Variants in NDNF observed in about 807,000 individuals in gnomAD.
The protein encoded by NDNF is protein NDNF.
In NDNF, 16 loss-of-function variants were observed where a neutral mutation model predicts 42.0. The observed-to-expected ratio is 0.38, with a 90% CI of 0.26 to 0.58. NDNF has a LOEUF of 0.58. Ranked by LOEUF, NDNF falls within the 20% of genes least tolerant of loss-of-function variation. NDNF has a pLI of 0.67. For synonymous variants in NDNF, 248 were observed against 251.7 expected, an observed-to-expected ratio of 0.99 and a Z score of 0.14; for missense variants, 616 against 666.2, an observed-to-expected ratio of 0.92 and a Z score of 0.83.
At chr4:121,053,550 C>T (rs981493105) in intron 1 of NDNF, among the ~76,000 whole-genome samples, 2 of 152,106 alleles carry the variant, frequency 1.3e-5, no homozygotes, top group African/African-American at 4.8e-5. Flanking sequence ...GGAAGCCAGA[C>T]CCATTTTAGT....
At chr4:121,041,628 C>T (rs1434767095) in intron 2 of NDNF, among the ~76,000 whole-genome samples, 1 of 152,136 alleles carries the variant, frequency 6.6e-6, no homozygotes, top group African/African-American at 2.4e-5. Flanking sequence ...AGTACATTTG[C>T]TTTTTTAGGA....
intron 1 of NDNF, among the ~76,000 whole-genome samples, chr4:121,054,629 G>A (rs937234858): frequency 2.6e-5 from 4 of 152,186 alleles, no homozygotes; most frequent in African/African-American, 9.7e-5. Flanking sequence ...ATAAATGTCA[G>A]GAGAAAAAGC....
rs553332697 is a variant in NDNF at position 121,036,222 on chromosome 4, C to T, written c.*42G>A. 39 of 1,474,906 alleles carry T rather than the reference C, an allele frequency of 2.6e-5. No individual in the cohort carries two copies. The South Asian group carries it at 4.7e-4, about 18-fold the overall frequency. 91.4% of individuals were successfully genotyped at this position (1,474,906 alleles called of 1,614,324 possible). ...GTTTATACTTAAAGTGATTTAATGT[C>T]CCTCCTGGAGTTCTACATAATATAT... On this transcript the variant is annotated 3_prime_UTR_variant, in exon 4 of 4. Transcript: ENST00000379692.
chr4:121,035,663 A>G lies in NDNF; in HGVS notation c.*601T>C, dbSNP rs942978986. ...ATCTAATCTCTTTAATTTTATGTACATGAATATAATGTATGTCAACTTTGT... is the reference window on the plus strand; with the variant it reads ...ATCTAATCTCTTTAATTTTATGTACGTGAATATAATGTATGTCAACTTTGT... On this transcript the variant is annotated 3_prime_UTR_variant, in exon 4 of 4. Transcript: ENST00000379692. The G allele has an allele frequency of 6.6e-6, 1 of 152,372 alleles. No homozygotes were observed. Among genetic ancestry groups the G allele is most frequent in the Non-Finnish European group, 1.5e-5 (1 of 68,038 alleles). The allele number at this position is 152,372 out of a possible 1,614,324, so 9.4% of individuals were successfully genotyped here.
chr4:121,069,627 C>G (rs941251530), intron 1 of NDNF, among the ~76,000 whole-genome samples: 1 of 152,084 alleles, frequency 6.6e-6, no homozygotes, highest in Non-Finnish European at 1.5e-5. Flanking sequence ...AAAATGAAAG[C>G]AATAATGCAG....
In NDNF at chr4:121,072,109, A is replaced by T. The variant is rs1409031275; in HGVS notation, c.-118T>A. 1 of 152,414 alleles carries T rather than the reference A, an allele frequency of 6.6e-6. No homozygotes were observed. Among genetic ancestry groups the T allele is most frequent in the East Asian group, 1.9e-4 (1 of 5,192 alleles). The allele number at this position is 152,414 out of a possible 1,614,324, so 9.4% of individuals were successfully genotyped here. A position where few individuals can be genotyped will look rare whatever the true frequency, so the allele number is the denominator to read the frequency against. On this transcript the variant is annotated 5_prime_UTR_variant, in exon 1 of 4. Transcript: ENST00000379692. The stretch of plus-strand genomic sequence containing the variant: ...AAGATGCTAAGCACCAATATCCAGG[A>T]ACGAGAAGCCTGGAGGGCGGGGACG...
Position 121,039,983 on chromosome 4 carries a change from T to A in NDNF, c.260A>T (p.Glu87Val). The A allele has an allele frequency of 6.2e-7, 1 of 1,613,970 alleles. No homozygotes were observed. The highest frequency in any genetic ancestry group is 2.2e-5 in the East Asian group (1 of 44,864). ...CAGCTCCTGGAGGCTCAGCTTCCAC[T>A]CCAAAGGCGCATCACAGGGCGTCAC... ...VTVTPCDAPL[E>V]WKLSLQELPE... is the part of the protein sequence containing the mutation. The change falls in exon 3 of 4, where the codon GAG (glutamate) becomes GTG (valine). Residue 87 changes from glutamate (E) to valine (V), a missense_variant. Transcript: ENST00000379692.
rs77439449 is a variant in NDNF at position 121,060,527 on chromosome 4, G to T, written c.-2+11466C>A. Among the ~76,000 whole-genome samples, 402 of 151,874 alleles carry T rather than the reference G, an allele frequency of 2.6e-3. 2 individuals carry two copies. The highest frequency in any genetic ancestry group is 9.1e-3 in the African/African-American group (375 of 41,404). On this transcript the variant is annotated intron_variant, in intron 1 of 3. Transcript: ENST00000379692. ...AAAAGTTTATTCCCCCAAGCAGTTT[G>T]TGTTTAACACAAAGCCCACTAATGG...
At chr4:121,061,661 C>A (rs1727411084) in intron 1 of NDNF, among the ~76,000 whole-genome samples, 1 of 152,098 alleles carries the variant, frequency 6.6e-6, no homozygotes, top group South Asian at 2.1e-4. Flanking sequence ...CTTTACTCCC[C>A]CACCATCCCC....
intron 1 of NDNF, among the ~76,000 whole-genome samples, chr4:121,051,965 G>C (rs1460572067): frequency 2.0e-5 from 3 of 152,128 alleles, no homozygotes; most frequent in Non-Finnish European, 4.4e-5. Flanking sequence ...TTCATGTAAA[G>C]GTCCAAGGCT....
chr4:121,070,399 G>A (rs186052600), intron 1 of NDNF, among the ~76,000 whole-genome samples: 195 of 152,266 alleles, frequency 1.3e-3, no homozygotes, highest in African/African-American at 4.4e-3. Flanking sequence ...ACCCAGGGAG[G>A]ATTTTACTTG....
intron 1 of NDNF, among the ~76,000 whole-genome samples, chr4:121,060,421 T>A (rs1237919122): frequency 6.6e-6 from 1 of 152,102 alleles, no homozygotes; most frequent in Non-Finnish European, 1.5e-5. Context: ...CTTCAAGAGA[T>A]CCTCCTGCCT....
In NDNF at chr4:121,072,514, C is replaced by T. The variant is rs1430095272; in HGVS notation, c.-523G>A. 1 of 151,510 alleles carries T rather than the reference C, an allele frequency of 6.6e-6. No individual in the cohort carries two copies. The highest frequency in any genetic ancestry group is 2.0e-4 in the East Asian group (1 of 5,128). 9.4% of individuals were successfully genotyped at this position (151,510 alleles called of 1,614,324 possible). On this transcript the variant is annotated 5_prime_UTR_variant, in exon 1 of 4. Coordinates refer to ENST00000379692, the MANE Select transcript of NDNF (RefSeq NM_024574.4). ...CGCTGCTCAGTTAGCTCCACTCTCT[C>T]GCGGCTGGAAGTGGGGAGTGTGTGT...
chr4:121,045,149 G>A lies in NDNF; in HGVS notation c.188+501C>T, dbSNP rs1030409856. 2.6e-5 allele frequency among the ~76,000 whole-genome samples: 4 copies of A among 152,206 alleles called. No homozygotes were observed. In the East Asian group the frequency reaches 7.7e-4, roughly 29 times the overall value. ...GGGCGGATCACGAGGTCAGGAGATC[G>A]AGACTATCCCGGCTAACATGGTGAA... On this transcript the variant is annotated intron_variant, in intron 2 of 3. Coordinates refer to ENST00000379692, the MANE Select transcript of NDNF (RefSeq NM_024574.4).
chr4:121,041,293 A>G (rs1205643493), intron 2 of NDNF, among the ~76,000 whole-genome samples: 1 of 152,042 alleles, frequency 6.6e-6, no homozygotes, highest in African/African-American at 2.4e-5. Context: ...GCAAGCCCAG[A>G]GTTGCTCATT....
chr4:121,052,605 G>T (rs1049744424), intron 1 of NDNF, among the ~76,000 whole-genome samples: 1 of 152,114 alleles, frequency 6.6e-6, no homozygotes, highest in Admixed American at 6.6e-5. Context: ...ATTTGGTCCA[G>T]GTGTAAGAAA....
chr4:121,056,048 G>A (rs903486439), intron 1 of NDNF, among the ~76,000 whole-genome samples: 7 of 152,184 alleles, frequency 4.6e-5, no homozygotes, highest in Non-Finnish European at 1.0e-4. Context: ...TTTGGTATAT[G>A]TGACCAGACC....
At chr4:121,042,730 A>G (rs1727019435) in intron 2 of NDNF, among the ~76,000 whole-genome samples, 1 of 152,198 alleles carries the variant, frequency 6.6e-6, no homozygotes, top group South Asian at 2.1e-4. Flanking sequence ...TCATATAAGT[A>G]AAAGAGTGTT....
chr4:121,035,851 TA>T lies in NDNF; in HGVS notation c.*412del, dbSNP rs1474133032. ...TTACAATCATAGAAACACTGACATT[TA>T]AAACAAGAATTTATAAAATAATTTA... On this transcript the variant is annotated 3_prime_UTR_variant, in exon 4 of 4. Transcript: ENST00000379692. The T allele has an allele frequency of 1.3e-5, 2 of 153,796 alleles. No homozygotes were observed. The highest frequency in any genetic ancestry group is 3.8e-4 in the East Asian group (2 of 5,212). The allele number at this position is 153,796 out of a possible 1,614,324, so 9.5% of individuals were successfully genotyped here. A position where few individuals can be genotyped will look rare whatever the true frequency, so the allele number is the denominator to read the frequency against.
Sources: gnomAD v4.1 joint callset for allele counts (sites outside exome capture counted in the v4.1 genomes callset) on GRCh38, gnomAD v4.1.1 for gene constraint, MANE v1.5 for transcripts, NCBI Gene and HGNC (gene_info 2026-07-23, HGNC 2026-07-21) for gene names.